Variants in GLRA3 observed in about 807,000 individuals in gnomAD.
GLRA3 encodes the protein glycine receptor alpha 3, also known as glycine receptor subunit alpha-3.
In GLRA3, 44 loss-of-function variants were observed where a neutral mutation model predicts 60.4. The ratio of observed to expected loss-of-function variants is 0.73; its 90% CI spans 0.57 to 0.94. The LOEUF is 0.94. Ranked by LOEUF, GLRA3 falls within the 40% of genes least tolerant of loss-of-function variation. The pLI is 0.00. For synonymous variants in GLRA3, 223 were observed against 192.9 expected (o/e 1.16, Z -1.29); for missense variants, 508 against 564.6 (o/e 0.90, Z 1.02).
chr4:174,820,652 T>TC (rs1740708613), intron 1 of GLRA3, among the ~76,000 whole-genome samples: 1 of 152,120 alleles, frequency 6.6e-6, no homozygotes, highest in African/African-American at 2.4e-5. Context: ...GAGATGGGAT[T>TC]CACATTTTTT....
At chr4:174,714,280 T>C (rs1735824940) in intron 5 of GLRA3, among the ~76,000 whole-genome samples, 1 of 152,146 alleles carries the variant, frequency 6.6e-6, no homozygotes, top group Admixed American at 6.5e-5. Context: ...TGTACTTAAT[T>C]TTTCAACCAA....
intron 2 of GLRA3, among the ~76,000 whole-genome samples, chr4:174,782,232 A>T (rs1164588921): frequency 6.6e-6 from 1 of 150,604 alleles, no homozygotes; most frequent in African/African-American, 2.4e-5. Context: ...GATTATCTCA[A>T]TAGATGCAGA....
intron 5 of GLRA3, among the ~76,000 whole-genome samples, chr4:174,701,822 GAAGAGGAGCCTCAAGATGTCACCA>G (rs1343583308): frequency 6.6e-6 from 1 of 152,144 alleles, no homozygotes; most frequent in Admixed American, 6.5e-5. Context: ...ACTAAAATTA[GAAGAGGAGCCTCAAGATGTCACCA>G]AATTGCTACA....
intron 5 of GLRA3, among the ~76,000 whole-genome samples, chr4:174,694,596 G>A (rs1734979581): frequency 6.6e-6 from 1 of 152,140 alleles, no homozygotes; most frequent in South Asian, 2.1e-4. Flanking sequence ...GTGTTAAGAA[G>A]GACATTGATA....
chr4:174,683,669 G>A (rs923490500), intron 5 of GLRA3, among the ~76,000 whole-genome samples: 4 of 152,066 alleles, frequency 2.6e-5, no homozygotes, highest in Non-Finnish European at 5.9e-5. Flanking sequence ...CTTAAACTTA[G>A]TGTAAGAATA....
chr4:174,709,603 A>G (rs1735636262), intron 5 of GLRA3, among the ~76,000 whole-genome samples: 1 of 152,066 alleles, frequency 6.6e-6, no homozygotes, highest in Admixed American at 6.5e-5. Flanking sequence ...TGAATTAAGT[A>G]TGTTCTAGAT....
intron 2 of GLRA3, among the ~76,000 whole-genome samples, chr4:174,771,563 A>G (rs1738387204): frequency 6.6e-6 from 1 of 152,106 alleles, no homozygotes; most frequent in Admixed American, 6.6e-5. Flanking sequence ...ACATAAGAAC[A>G]TCAGTATTGG....
At chr4:174,824,457 A>G (rs1740877973) in intron 1 of GLRA3, among the ~76,000 whole-genome samples, 1 of 152,208 alleles carries the variant, frequency 6.6e-6, no homozygotes, top group Admixed American at 6.5e-5. Context: ...CTCAGTTATA[A>G]TTAAATTACT....
intron 5 of GLRA3, among the ~76,000 whole-genome samples, chr4:174,709,245 A>G (rs1362762566): frequency 6.6e-6 from 1 of 152,058 alleles, no homozygotes; most frequent in Non-Finnish European, 1.5e-5. Flanking sequence ...TGTCTTCACT[A>G]GGAACTTTCC....
At chr4:174,727,336 C>T (rs1195153214) in intron 4 of GLRA3, among the ~76,000 whole-genome samples, 1 of 152,062 alleles carries the variant, frequency 6.6e-6, no homozygotes, top group Non-Finnish European at 1.5e-5. Context: ...TCAAATACCC[C>T]CATTCCTGAT....
chr4:174,673,321 C>G (rs1486194400), intron 7 of GLRA3, among the ~76,000 whole-genome samples: 1 of 152,058 alleles, frequency 6.6e-6, no homozygotes, highest in South Asian at 2.1e-4. Context: ...ATACTTAATT[C>G]CTTCAGTGCC....
intron 3 of GLRA3, among the ~76,000 whole-genome samples, chr4:174,759,781 G>A (rs1176082504): frequency 1.6e-4 from 24 of 152,026 alleles, no homozygotes. Flanking sequence ...ACAAATTATT[G>A]GAAGTAATTA....
At chr4:174,819,713 A>G (rs1740659717) in intron 1 of GLRA3, among the ~76,000 whole-genome samples, 1 of 152,240 alleles carries the variant, frequency 6.6e-6, no homozygotes, top group Admixed American at 6.5e-5. Flanking sequence ...GGATTAATAC[A>G]TAAATGTATG....
chr4:174,782,641 T>C (rs1337355415), intron 2 of GLRA3, among the ~76,000 whole-genome samples: 1 of 152,156 alleles, frequency 6.6e-6, no homozygotes, highest in Admixed American at 6.5e-5. Context: ...AATATCAATG[T>C]ACAAAAATCA....
chr4:174,782,828 C>G (rs1037832094), intron 2 of GLRA3, among the ~76,000 whole-genome samples: 2 of 151,956 alleles, frequency 1.3e-5, no homozygotes, highest in Non-Finnish European at 2.9e-5. Context: ...AGGATACAAA[C>G]AAATGGAAGA....
chr4:174,656,881 AT>A (rs2110881182), intron 8 of GLRA3, 94 bp from the exon 9 acceptor site: 1 of 742,256 alleles, frequency 1.3e-6, no homozygotes, highest in East Asian at 2.7e-5. Context: ...TTGTAATTGT[AT>A]ATACCATTTG....
intron 1 of GLRA3, among the ~76,000 whole-genome samples, chr4:174,811,083 A>G (rs932042389): frequency 1.3e-5 from 2 of 150,310 alleles, no homozygotes; most frequent in Non-Finnish European, 2.9e-5. Flanking sequence ...AGTTGTGTTC[A>G]TTCACCACAC....
In GLRA3 at chr4:174,643,091, T is replaced by C; in HGVS notation, c.*695A>G. 1 of 935,566 alleles carries C rather than the reference T, an allele frequency of 1.1e-6. No individual in the cohort carries two copies. The highest frequency in any genetic ancestry group is 1.3e-6 in the Non-Finnish European group (1 of 785,708). 58.0% of individuals were successfully genotyped at this position (935,566 alleles called of 1,614,324 possible). A position where few individuals can be genotyped will look rare whatever the true frequency, so the allele number is the denominator to read the frequency against. ...CAAAGTTGTTTCCCGTATTTCCACC[T>C]TCGTTCCTAGAGATACAAAGTTTAA... On this transcript the variant is annotated 3_prime_UTR_variant, in exon 10 of 10. Coordinates refer to ENST00000274093, the MANE Select transcript of GLRA3 (RefSeq NM_006529.4).
intron 5 of GLRA3, among the ~76,000 whole-genome samples, chr4:174,691,627 C>T (rs527465106): frequency 3.3e-4 from 51 of 152,334 alleles, no homozygotes; most frequent in African/African-American, 3.8e-4. Flanking sequence ...CTCGTAACCG[C>T]GAGTGATCCG....
Sources: gnomAD v4.1 joint callset for allele counts (sites outside exome capture counted in the v4.1 genomes callset) on GRCh38, gnomAD v4.1.1 for gene constraint, MANE v1.5 for transcripts, NCBI Gene and HGNC (gene_info 2026-07-23, HGNC 2026-07-21) for gene names.